GINS2: variants seen among roughly 807,000 people sequenced by gnomAD.
GINS2 encodes DNA replication complex GINS protein PSF2.
In GINS2, 23 loss-of-function variants were observed where a neutral mutation model predicts 21.2. That is an observed-to-expected ratio of 1.08 (90% CI 0.78 to 1.53). GINS2 has a LOEUF of 1.53. Among genes scored for constraint, GINS2 ranks in the 40% most tolerant of loss-of-function variants. The pLI, the probability that GINS2 is intolerant of heterozygous loss-of-function variation, is 0.00. For synonymous variants in GINS2, 118 were observed against 85.6 expected (o/e 1.38, Z -2.09); for missense variants, 323 against 233.9 (o/e 1.38, Z -2.49).
At position 85,688,661 on chromosome 16, in the gene GINS2, G is replaced by C. The variant is rs541936985; in HGVS notation, c.90+148C>G. The C allele has an allele frequency of 1.4e-5, 6 of 433,186 alleles. 1 individual carries two copies. The Admixed American group carries it at 1.7e-4, about 12-fold the overall frequency. 26.8% of individuals were successfully genotyped at this position (433,186 alleles called of 1,614,324 possible). ...CTCGCTTTCCTCATCCGAGAAGCGG[G>C]AACGGCGGTGAGCGAGTCAAGCGCC... On this transcript the variant is annotated intron_variant, in intron 1 of 4. Transcript: ENST00000253462.
intron 3 of GINS2, among the ~76,000 whole-genome samples, chr16:85,681,354 A>C (rs1351593318): frequency 6.6e-6 from 1 of 152,252 alleles, no homozygotes; most frequent in Non-Finnish European, 1.5e-5. Context: ...AATGAGAGAC[A>C]GAGAAAGGCA....
intron 2 of GINS2, among the ~76,000 whole-genome samples, chr16:85,683,039 C>T (rs1220377331): frequency 6.6e-6 from 1 of 152,058 alleles, no homozygotes; most frequent in Non-Finnish European, 1.5e-5. Context: ...CCTACCCACT[C>T]GAGGACCAGC....
chr16:85,686,405 G>A (rs1322773372), intron 2 of GINS2, among the ~76,000 whole-genome samples: 2 of 147,734 alleles, frequency 1.4e-5, no homozygotes, highest in South Asian at 2.2e-4. Flanking sequence ...GCGACAGAGC[G>A]AGACTCTGTC....
At chr16:85,687,595 C>A in intron 1 of GINS2, 21 bp from the exon 2 acceptor site, 1 of 1,394,118 alleles carries the variant, frequency 7.2e-7, no homozygotes, top group Non-Finnish European at 9.8e-7. Context: ...TAAAACAATT[C>A]CCCGTAAGAT....
intron 2 of GINS2, among the ~76,000 whole-genome samples, chr16:85,682,748 C>T (rs958709119): frequency 6.6e-6 from 1 of 152,166 alleles, no homozygotes; most frequent in African/African-American, 2.4e-5. Context: ...GCTCCCTCAG[C>T]CCTCCCCCTC....
Position 85,677,604 on chromosome 16 carries a change from G to C in GINS2, c.*608C>G, listed in dbSNP as rs954038799. On this transcript the variant is annotated 3_prime_UTR_variant, in exon 5 of 5. Coordinates refer to ENST00000253462, the MANE Select transcript of GINS2 (RefSeq NM_016095.3). ...CGTGTGCCTCAGTTTCGTTGACTGA[G>C]TCATCTCAGCCACAGGCTCAGTCCT... The C allele has an allele frequency of 1.3e-5, 2 of 152,268 alleles. No individual in the cohort carries two copies. The highest frequency in any genetic ancestry group is 2.9e-5 in the Non-Finnish European group (2 of 68,092). The allele number at this position is 152,268 out of a possible 1,614,324, so 9.4% of individuals were successfully genotyped here.
intron 3 of GINS2, among the ~76,000 whole-genome samples, chr16:85,679,923 T>A (rs1439178594): frequency 1.3e-5 from 2 of 152,030 alleles, no homozygotes; most frequent in Non-Finnish European, 2.9e-5. Context: ...TCCTCAAATA[T>A]CTCTGCTTGC....
At chr16:85,686,956 T>C (rs538682869) in intron 2 of GINS2, among the ~76,000 whole-genome samples, 144 of 152,370 alleles carry the variant, frequency 9.5e-4, no homozygotes, top group African/African-American at 3.4e-3. Context: ...CTGGGCACAG[T>C]GGCTCACGCC....
chr16:85,679,986 A>G (rs989892486), intron 3 of GINS2, among the ~76,000 whole-genome samples: 4 of 152,086 alleles, frequency 2.6e-5, no homozygotes, highest in African/African-American at 9.7e-5. Flanking sequence ...TTCCTGCCTC[A>G]CTGCCCTCTC....
chr16:85,684,406 G>A lies in GINS2; in HGVS notation c.206-2725C>T, dbSNP rs533323377. On this transcript the variant is annotated intron_variant, in intron 2 of 4. Transcript: ENST00000253462. ...GCTACTAGGGAGGCTGAGATGGGAG[G>A]ATCACTCGAGCCCAGGAGTTGGAGG... 2.5e-4 allele frequency among the ~76,000 whole-genome samples: 38 copies of A among 152,260 alleles called. 1 individual carries two copies. The South Asian group carries it at 7.1e-3, about 28-fold the overall frequency.
intron 2 of GINS2, among the ~76,000 whole-genome samples, chr16:85,685,246 C>G (rs149228187): frequency 3.3e-4 from 50 of 152,312 alleles, no homozygotes; most frequent in African/African-American, 1.2e-3. Context: ...CTGACTCTAG[C>G]CTGCGATAAA....
At chr16:85,687,350 G>T in intron 2 of GINS2, 110 bp downstream of exon 2, 1 of 592,268 alleles carries the variant, frequency 1.7e-6, no homozygotes, top group South Asian at 2.5e-5. Context: ...GGAACAGAGG[G>T]AGCACGGACC....
In GINS2 at chr16:85,678,750, A is replaced by G. The variant is rs140518031; in HGVS notation, c.306-84T>C. 1.5e-3 allele frequency: 1,918 copies of G among 1,319,542 alleles called. 4 individuals carry two copies. Among genetic ancestry groups the G allele is most frequent in the Non-Finnish European group, 1.6e-3 (1,537 of 940,458 alleles). 81.7% of individuals were successfully genotyped at this position (1,319,542 alleles called of 1,614,324 possible). On this transcript the variant is annotated intron_variant, in intron 3 of 4. Coordinates refer to ENST00000253462, the MANE Select transcript of GINS2 (RefSeq NM_016095.3). ...GATAGAGTGGCTCTTTTCAGGCAAA[A>G]TACCGTGGCTATTCCAGACTCAGAA... is the stretch of plus-strand genomic sequence containing the variant.
At chr16:85,687,339 C>T (rs3815796) in intron 2 of GINS2, 121 bp downstream of exon 2, 212,278 of 562,248 alleles carry the variant, frequency 0.38, 41,074 homozygotes, top group East Asian at 0.51. Context: ...CAGTAGATAA[C>T]GGAACAGAGG....
intron 3 of GINS2, among the ~76,000 whole-genome samples, chr16:85,679,933 C>T (rs1018719646): frequency 1.3e-5 from 2 of 152,136 alleles, no homozygotes; most frequent in Non-Finnish European, 2.9e-5. Context: ...TCTCTGCTTG[C>T]CCGGCTACAC....
intron 2 of GINS2, among the ~76,000 whole-genome samples, chr16:85,686,397 G>A (rs1394388046): frequency 3.3e-5 from 5 of 149,322 alleles, no homozygotes; most frequent in Non-Finnish European, 7.4e-5. Flanking sequence ...CAGCCTGGGC[G>A]ACAGAGCGAG....
At position 85,678,706 on chromosome 16, in the gene GINS2, AT is replaced by A. The variant is rs758630366; in HGVS notation, c.306-41del. On this transcript the variant is annotated intron_variant, in intron 3 of 4. Coordinates refer to ENST00000253462, the MANE Select transcript of GINS2 (RefSeq NM_016095.3). ...GCTAAAGTCAGTCGGGGAACACTTGATAACCTGAGGCAATGCTGGATAGAGT... is the reference window on the plus strand; with the variant it reads ...GCTAAAGTCAGTCGGGGAACACTTGAAACCTGAGGCAATGCTGGATAGAGT... 4 of 1,599,228 alleles carry A rather than the reference AT, an allele frequency of 2.5e-6. No individual in the cohort carries two copies. In the Admixed American group the frequency reaches 5.1e-5, roughly 20 times the overall value.
In GINS2 at chr16:85,680,317, G is replaced by T. The variant is rs13334688; in HGVS notation, c.305+1265C>A. Among the ~76,000 whole-genome samples, 667 of 152,304 alleles carry T rather than the reference G, an allele frequency of 4.4e-3. 8 individuals carry two copies. Among genetic ancestry groups the T allele is most frequent in the African/African-American group, 0.015 (633 of 41,562 alleles). On this transcript the variant is annotated intron_variant, in intron 3 of 4. Coordinates refer to ENST00000253462, the MANE Select transcript of GINS2 (RefSeq NM_016095.3). Reference sequence around the variant, plus strand: ...CAACTTTTCCTTTAAATTCAGCAGCGCCATTCAGTGGGCTCCCAGCCCTTC... The same window carrying T: ...CAACTTTTCCTTTAAATTCAGCAGCTCCATTCAGTGGGCTCCCAGCCCTTC...
chr16:85,688,286 G>A (rs1157545892), intron 1 of GINS2, among the ~76,000 whole-genome samples: 1 of 152,148 alleles, frequency 6.6e-6, no homozygotes, highest in Non-Finnish European at 1.5e-5. Context: ...AGTGGCTCCC[G>A]CCTGTCATCC....
Sources: gnomAD v4.1 joint callset for allele counts (sites outside exome capture counted in the v4.1 genomes callset) on GRCh38, gnomAD v4.1.1 for gene constraint, MANE v1.5 for transcripts, NCBI Gene and HGNC (gene_info 2026-07-23, HGNC 2026-07-21) for gene names.